The following CAPN11 variants were observed in gnomAD, a reference collection of about 807,000 sequenced individuals.
CAPN11 encodes the protein calpain-11.
A neutral mutation model predicts 105.3 loss-of-function variants in CAPN11; 108 were observed. The ratio of observed to expected loss-of-function variants is 1.03; its 90% CI spans 0.88 to 1.20. CAPN11 has a LOEUF of 1.20. Among genes scored for constraint, CAPN11 ranks in the 50% most tolerant of loss-of-function variants. CAPN11 has a pLI of 0.00. For missense variants in CAPN11, 883 were observed against 924.8 expected (o/e 0.95, Z 0.59); for synonymous variants, 329 against 344.5 (o/e 0.96, Z 0.50).
chr6:44,180,154 G>A lies in CAPN11; in HGVS notation c.1631G>A (p.Ser544Asn), dbSNP rs1772879904. 1.9e-6 allele frequency: 3 copies of A among 1,610,094 alleles called. No individual in the cohort carries two copies. The South Asian group carries it at 3.3e-5, about 18-fold the overall frequency. The change falls in exon 14 of 23, where the codon AGC becomes AAC. Residue 544 changes from serine (S) to asparagine (N), a missense_variant. By Grantham distance (46) the Ser-to-Asn change is conservative. Transcript: ENST00000398776. ...CTTCGGGTCTTCACCGAGAAGCACAGCGAGTCATGGTAAGGGGCTGCAGCT... is the reference window on the plus strand; with the variant it reads ...CTTCGGGTCTTCACCGAGAAGCACAACGAGTCATGGTAAGGGGCTGCAGCT... The part of the protein sequence containing the change: ...FLLRVFTEKH[S>N]ESWELDEVNY...
intron 1 of CAPN11, among the ~76,000 whole-genome samples, chr6:44,160,253 A>G (rs893477411): frequency 7.9e-5 from 12 of 152,370 alleles, no homozygotes; most frequent in South Asian, 2.1e-4. Flanking sequence ...CAGTGAATAC[A>G]TATTTCAAAA....
chr6:44,172,475 T>G, intron 5 of CAPN11, 55 bp downstream of exon 5: 1 of 1,084,488 alleles, frequency 9.2e-7, no homozygotes, highest in Non-Finnish European at 1.3e-6. Flanking sequence ...GGAAGAATCA[T>G]ATATGCTTTG....
In CAPN11 at chr6:44,173,272, G is replaced by T. The variant is rs1771331759; in HGVS notation, c.717G>T (p.Glu239Asp). The T allele has an allele frequency of 6.2e-7, 1 of 1,613,936 alleles. No individual in the cohort carries two copies. The highest frequency in any genetic ancestry group is 8.5e-7 in the Non-Finnish European group (1 of 1,179,858). The part of the protein sequence containing the change: ...LSGGSTMEGL[E>D]DFTGGVAQSF... Reference sequence around the variant, plus strand: ...GGGGCAGTACCATGGAGGGCCTTGAGGACTTCACAGGAGGCGTGGCCCAGA... The same window carrying T: ...GGGGCAGTACCATGGAGGGCCTTGATGACTTCACAGGAGGCGTGGCCCAGA... The change falls in exon 7 of 23, where the codon GAG (glutamate) becomes GAT (aspartate). Residue 239 changes from glutamate (E) to aspartate (D), a missense_variant. Glu to Asp is a conservative substitution (Grantham distance 45, BLOSUM62 2). Transcript: ENST00000398776.
intron 19 of CAPN11, among the ~76,000 whole-genome samples, chr6:44,182,453 G>C (rs1392476587): frequency 6.6e-6 from 1 of 152,222 alleles, no homozygotes; most frequent in Admixed American, 6.5e-5. Context: ...AGAGCGCTGG[G>C]CAGGGCACCA....
chr6:44,181,395 A>C, intron 19 of CAPN11, 75 bp downstream of exon 19: 1 of 1,306,848 alleles, frequency 7.7e-7, no homozygotes, highest in South Asian at 1.2e-5. Context: ...TAATGAGGGG[A>C]AGCTAGAACC....
chr6:44,164,073 G>T (rs2128292491), intron 1 of CAPN11, among the ~76,000 whole-genome samples: 1 of 152,218 alleles, frequency 6.6e-6, no homozygotes, highest in Admixed American at 6.5e-5. Context: ...TCGTGAGGCT[G>T]AGGAGGGAGG....
intron 2 of CAPN11, chr6:44,168,844 C>T (rs1435717914): frequency 1.1e-5 from 4 of 356,302 alleles, no homozygotes; most frequent in Admixed American, 3.3e-5. Context: ...TGGTCTCGAA[C>T]TCCTGACCTC....
At chr6:44,169,634 T>C in intron 3 of CAPN11, 103 bp downstream of exon 3, 1 of 1,251,886 alleles carries the variant, frequency 8.0e-7, no homozygotes, top group South Asian at 1.6e-5. Context: ...CACTACCCCA[T>C]TCTGACCCTG....
intron 13 of CAPN11, 139 bp from the exon 14 acceptor site, chr6:44,179,813 C>T (rs1212258611): frequency 6.8e-6 from 6 of 880,852 alleles, no homozygotes; most frequent in Non-Finnish European, 1.1e-5. Context: ...AGTTGCGGGC[C>T]ACTTAGATGG....
chr6:44,182,166 TCACA>T (rs796546001), intron 19 of CAPN11, among the ~76,000 whole-genome samples: 1 of 1,842 alleles, frequency 5.4e-4, no homozygotes. Flanking sequence ...CACACCACAC[TCACA>T]CACACATACA....
chr6:44,173,257 C>G lies in CAPN11; in HGVS notation c.702C>G (p.Thr234=). The change falls in exon 7 of 23, where the codon ACC becomes ACG. Residue 234 remains threonine, a synonymous_variant. Coordinates refer to ENST00000398776, the MANE Select transcript of CAPN11 (RefSeq NM_007058.4). ...ATGAAGCATTGTCAGGGGGCAGTAC[C>G]ATGGAGGGCCTTGAGGACTTCACAG... ...GSYEALSGGS[T]MEGLEDFTGG... The G allele has an allele frequency of 1.2e-6, 2 of 1,613,910 alleles. No homozygotes were observed. The highest frequency in any genetic ancestry group is 1.7e-6 in the Non-Finnish European group (2 of 1,179,870).
chr6:44,178,852 G>A (rs1273512019), intron 12 of CAPN11, among the ~76,000 whole-genome samples: 2 of 151,936 alleles, frequency 1.3e-5, no homozygotes, highest in Non-Finnish European at 2.9e-5. Context: ...GAGCTCAGGA[G>A]GTCGAAGCTG....
chr6:44,181,447 A>ACTCT (rs1773162928), intron 19 of CAPN11, 127 bp downstream of exon 19: 2 of 486,840 alleles, frequency 4.1e-6, no homozygotes, highest in African/African-American at 7.0e-5. Context: ...ACCACACCAC[A>ACTCT]CTCACACACA....
intron 2 of CAPN11, 101 bp downstream of exon 2, chr6:44,166,930 A>G (rs1769984938): frequency 4.6e-6 from 2 of 437,990 alleles, no homozygotes; most frequent in African/African-American, 4.4e-5. Flanking sequence ...GAAGTCAGTC[A>G]TGTTGTGTGG....
intron 15 of CAPN11, 22 bp downstream of exon 15, chr6:44,180,521 G>A (rs367912209): frequency 1.8e-5 from 29 of 1,613,694 alleles, no homozygotes; most frequent in Non-Finnish European, 2.5e-5. Flanking sequence ...CTGTAGGGCT[G>A]GGGGTTGGAA....
chr6:44,173,134 G>T, intron 6 of CAPN11, 61 bp downstream of exon 6: 2 of 1,604,000 alleles, frequency 1.2e-6, no homozygotes, highest in Non-Finnish European at 1.7e-6. Flanking sequence ...GCTGGAATCA[G>T]GGGGAGGGGA....
chr6:44,164,037 G>A (rs1051226844), intron 1 of CAPN11, among the ~76,000 whole-genome samples: 1 of 151,912 alleles, frequency 6.6e-6, no homozygotes, highest in Non-Finnish European at 1.5e-5. Flanking sequence ...AGACACAGGG[G>A]TCTCACCATG....
chr6:44,168,217 G>A (rs572228524), intron 2 of CAPN11, among the ~76,000 whole-genome samples: 2 of 152,256 alleles, frequency 1.3e-5, no homozygotes, highest in African/African-American at 4.8e-5. Flanking sequence ...TCTACGTTCT[G>A]TCTCTCTCTA....
In CAPN11 at chr6:44,181,013, G is replaced by A. The variant is rs1007913122; in HGVS notation, c.1869+16G>A. 6 of 1,609,288 alleles carry A rather than the reference G, an allele frequency of 3.7e-6. No homozygotes were observed. Among genetic ancestry groups the A allele is most frequent in the African/African-American group, 2.7e-5 (2 of 74,794 alleles). ...CCTCATGGATGTATCCTCCTGTCCA[G>A]TGCTCTCTTGGCCCTGTCCCCTGCC... On this transcript the variant is annotated intron_variant, in intron 18 of 22. Coordinates refer to ENST00000398776, the MANE Select transcript of CAPN11 (RefSeq NM_007058.4).
Sources: gnomAD v4.1 joint callset for allele counts (sites outside exome capture counted in the v4.1 genomes callset) on GRCh38, gnomAD v4.1.1 for gene constraint, MANE v1.5 for transcripts, NCBI Gene and HGNC (gene_info 2026-07-23, HGNC 2026-07-21) for gene names.